SNX14: variants seen among roughly 807,000 people sequenced by gnomAD.
SNX14 encodes the protein sorting nexin-14.
Under a neutral mutation model 133.8 loss-of-function variants are expected in SNX14, and 93 were observed. The observed-to-expected ratio is 0.70, with a 90% CI of 0.59 to 0.83. SNX14 has a LOEUF of 0.83. Among genes scored for constraint, SNX14 ranks in the 40% least tolerant of loss-of-function variants. The pLI, the probability that SNX14 is intolerant of heterozygous loss-of-function variation, is 0.00. For synonymous variants in SNX14, 368 were observed against 365.6 expected, an observed-to-expected ratio of 1.01 and a Z score of -0.07; for missense variants, 945 against 1,094.9, an observed-to-expected ratio of 0.86 and a Z score of 1.93.
chr6:85,574,181 C>T (rs878993726), intron 2 of SNX14, 77 bp downstream of exon 2: 11 of 1,157,392 alleles, frequency 9.5e-6, no homozygotes, highest in South Asian at 8.3e-5. Flanking sequence ...AAATATACTG[C>T]TTTAGCAGGC....
chr6:85,549,965 G>A (rs1388927917), intron 7 of SNX14, 86 bp from the exon 8 acceptor site: 18 of 1,192,676 alleles, frequency 1.5e-5, no homozygotes, highest in Non-Finnish European at 2.1e-5. Flanking sequence ...GAAGAGCATG[G>A]GCTGGGCGTG....
chr6:85,578,216 A>G (rs1436471053), intron 1 of SNX14, among the ~76,000 whole-genome samples: 1 of 152,234 alleles, frequency 6.6e-6, no homozygotes, highest in Non-Finnish European at 1.5e-5. Context: ...AAACAGTTAT[A>G]AATGAGAGAA....
intron 18 of SNX14, among the ~76,000 whole-genome samples, chr6:85,533,352 C>T (rs1296490979): frequency 6.6e-6 from 1 of 152,166 alleles, no homozygotes; most frequent in Non-Finnish European, 1.5e-5. Flanking sequence ...GCATTGAATG[C>T]CTGATGGACT....
chr6:85,592,825 T>TAA lies in SNX14; in HGVS notation c.140+752_140+753dup, dbSNP rs11427677. Among the ~76,000 whole-genome samples, 947 of 130,610 alleles carry TAA rather than the reference T, an allele frequency of 7.3e-3. 22 individuals are homozygous for TAA. Among genetic ancestry groups the TAA allele is most frequent in the Admixed American group, 0.047 (602 of 12,880 alleles). The allele number at this position is 130,610 out of a possible 152,430, so 85.7% of individuals were successfully genotyped here. On this transcript the variant is annotated intron_variant, in intron 1 of 28. Coordinates refer to ENST00000314673, the MANE Select transcript of SNX14 (RefSeq NM_153816.6). ...TAAAACGGTGAAACCCCGTCTCTACTAAAAAAAAAAAAAAAAAATACAAAA... is the reference window on the plus strand; with the variant it reads ...TAAAACGGTGAAACCCCGTCTCTACTAAAAAAAAAAAAAAAAAAAATACAAAA...
At chr6:85,565,141 T>C (rs1793357290) in intron 6 of SNX14, among the ~76,000 whole-genome samples, 191 bp downstream of exon 6, 1 of 152,156 alleles carries the variant, frequency 6.6e-6, no homozygotes, top group Admixed American at 6.5e-5. Context: ...GTAACACAAA[T>C]GATAAATGCT....
At position 85,514,230 on chromosome 6, in the gene SNX14, C is replaced by T; in HGVS notation, c.2397G>A (p.Arg799=). 2 of 1,609,776 alleles carry T rather than the reference C, an allele frequency of 1.2e-6. No homozygotes were observed. The highest frequency in any genetic ancestry group is 1.7e-6 in the Non-Finnish European group (2 of 1,178,740). Residue 799 remains arginine, a synonymous_variant, in exon 25 of 29, where the codon CGG becomes CGA. Coordinates refer to ENST00000314673, the MANE Select transcript of SNX14 (RefSeq NM_153816.6). ...GCCAGTCAGGAACCTGGAAAACTAC[C>T]CGTCCTGAGAAAGGATCAAATGGGA... ...GVYDYLMYVG[R]VVFQVPDWLH... is the part of the protein sequence containing the mutation.
rs772708530 is a variant in SNX14, at chr6:85,543,747, A to G, written c.1122T>C (p.Asp374=). Residue 374 remains aspartate, a synonymous_variant, in exon 13 of 29, where the codon GAT becomes GAC. Coordinates refer to ENST00000314673, the MANE Select transcript of SNX14 (RefSeq NM_153816.6). ...QFCLTVEEFN[D]RILRPELSND... is the part of the protein sequence containing the mutation. Reference sequence around the variant, plus strand: ...TTGATAATTCTGGTCGTAAAATTCTATCATTAAATTCCTCTAACAAATGAG... The same window carrying G: ...TTGATAATTCTGGTCGTAAAATTCTGTCATTAAATTCCTCTAACAAATGAG... The G allele has an allele frequency of 6.4e-7, 1 of 1,554,302 alleles. No individual in the cohort carries two copies. Among genetic ancestry groups the G allele is most frequent in the Non-Finnish European group, 8.7e-7 (1 of 1,149,208 alleles).
chr6:85,570,785 G>A lies in SNX14; in HGVS notation c.417+1352C>T, dbSNP rs1238604867. Among the ~76,000 whole-genome samples the A allele has an allele frequency of 2.6e-5, 4 of 151,564 alleles. No homozygotes were observed. The East Asian group carries it at 7.8e-4, about 30-fold the overall frequency. On this transcript the variant is annotated intron_variant, in intron 4 of 28. Transcript: ENST00000314673. Reference sequence around the variant, plus strand: ...AGAGAATCGTTTGAACTCGGGAGGCGGAGGTTGCAGTGAGCCAAGATTATG... The same window carrying A: ...AGAGAATCGTTTGAACTCGGGAGGCAGAGGTTGCAGTGAGCCAAGATTATG...
chr6:85,520,550 G>A (rs752989676), intron 21 of SNX14, among the ~76,000 whole-genome samples: 1 of 151,378 alleles, frequency 6.6e-6, no homozygotes, highest in African/African-American at 2.4e-5. Context: ...TAGAGACAGG[G>A]TTTCACCATG....
chr6:85,538,759 T>C (rs1049946448), intron 16 of SNX14, 79 bp downstream of exon 16: 42 of 1,322,774 alleles, frequency 3.2e-5, no homozygotes, highest in Non-Finnish European at 4.2e-5. Flanking sequence ...TTTTTTTCCT[T>C]TTTATTTGTA....
chr6:85,505,933 T>C lies in SNX14; in HGVS notation c.*34A>G, dbSNP rs757002254. The C allele has an allele frequency of 4.5e-6, 7 of 1,542,056 alleles. No homozygotes were observed. In the South Asian group the frequency reaches 7.8e-5, roughly 17 times the overall value. On this transcript the variant is annotated 3_prime_UTR_variant, in exon 29 of 29. Transcript: ENST00000314673. ...TTCTACCACCCTCGCACAGCAGAAA[T>C]TTCAATGGGTTATTCTATACCAAAT...
At chr6:85,582,099 G>C (rs1408462544) in intron 1 of SNX14, among the ~76,000 whole-genome samples, 7 of 152,018 alleles carry the variant, frequency 4.6e-5, no homozygotes, top group Non-Finnish European at 1.0e-4. Context: ...AAAGCACCAA[G>C]AAAAAAGAAA....
At chr6:85,517,133 C>G (rs2127839538) in intron 23 of SNX14, among the ~76,000 whole-genome samples, 1 of 152,220 alleles carries the variant, frequency 6.6e-6, no homozygotes. Flanking sequence ...TTAAGTCTAG[C>G]AAGACGACTA....
chr6:85,538,757 CT>C, intron 16 of SNX14, 80 bp downstream of exon 16: 1 of 1,289,608 alleles, frequency 7.8e-7, no homozygotes, highest in Non-Finnish European at 1.1e-6. Context: ...CATTTTTTTC[CT>C]TTTTATTTGT....
At chr6:85,517,597 C>A in intron 23 of SNX14, 159 bp downstream of exon 23, 1 of 730,654 alleles carries the variant, frequency 1.4e-6, no homozygotes, top group Admixed American at 3.5e-5. Flanking sequence ...AGTAATTACA[C>A]ACAATACCCT....
rs1167435228 is a variant in SNX14, at chr6:85,525,286, T to C, written c.2107+840A>G. Among the ~76,000 whole-genome samples the C allele has an allele frequency of 2.0e-5, 3 of 152,266 alleles. No homozygotes were observed. In the East Asian group the frequency reaches 5.8e-4, roughly 29 times the overall value. On this transcript the variant is annotated intron_variant, in intron 21 of 28. Transcript: ENST00000314673. ...ATATAAGCTTTCTCACACATCTTAA[T>C]TTCCTTTACAATAGTACTAGTAGAA... is the stretch of plus-strand genomic sequence containing the variant.
chr6:85,552,870 T>C (rs1259722058), intron 7 of SNX14, among the ~76,000 whole-genome samples: 2 of 152,228 alleles, frequency 1.3e-5, no homozygotes, highest in Admixed American at 6.5e-5. Context: ...CCCAGGTTTT[T>C]AGACAAAGCC....
chr6:85,548,258 A>T, intron 9 of SNX14, 43 bp downstream of exon 9: 1 of 1,334,566 alleles, frequency 7.5e-7, no homozygotes, highest in Non-Finnish European at 1.1e-6. Context: ...ATGTTATATT[A>T]AGTGTAATTT....
At chr6:85,588,700 T>C (rs1801822481) in intron 1 of SNX14, among the ~76,000 whole-genome samples, 1 of 152,210 alleles carries the variant, frequency 6.6e-6, no homozygotes, top group Admixed American at 6.5e-5. Context: ...CCCCAAAACT[T>C]AACTCCTAAT....
Sources: gnomAD v4.1 joint callset for allele counts (sites outside exome capture counted in the v4.1 genomes callset) on GRCh38, gnomAD v4.1.1 for gene constraint, MANE v1.5 for transcripts, NCBI Gene and HGNC (gene_info 2026-07-23, HGNC 2026-07-21) for gene names.